The following AVIL variants were observed in gnomAD, a reference collection of about 807,000 sequenced individuals.
AVIL encodes the protein advillin.
A neutral mutation model predicts 109.9 loss-of-function variants in AVIL; 78 were observed. The observed-to-expected ratio is 0.71, with a 90% CI of 0.59 to 0.86. The LOEUF (loss-of-function observed/expected upper bound fraction) is 0.86. Among genes scored for constraint, AVIL ranks in the 40% least tolerant of loss-of-function variants. AVIL has a pLI of 0.00. For missense variants in AVIL, 892 were observed against 1,016.5 expected (o/e 0.88, Z 1.67); for synonymous variants, 367 against 379.1 (o/e 0.97, Z 0.37).
chr12:57,802,109 G>C (rs748699547), intron 17 of AVIL, 51 bp downstream of exon 17: 4 of 1,594,704 alleles, frequency 2.5e-6, no homozygotes, highest in South Asian at 2.2e-5. Flanking sequence ...CCACTGAGCT[G>C]TTCTGAGCTA....
rs1397868743 is a variant in AVIL at position 57,802,301 on chromosome 12, A to C, written c.2010T>G (p.Ser670Arg). The stretch of plus-strand genomic sequence containing the variant: ...GGTACTGCTGTGCTGTGGCAAGGGC[A>C]CTCTCCTTCTCCGTGGCATTGGCCT... Reference protein sequence around the residue: ...GAEANATEKESALATAQQYLH... With the variant: ...GAEANATEKERALATAQQYLH... The change falls in exon 17 of 20, where the codon AGT becomes AGG. Residue 670 changes from serine (S) to arginine (R), a missense_variant. Coordinates refer to ENST00000549994, the MANE Select transcript of AVIL (RefSeq NM_006576.4). 3 of 1,613,484 alleles carry C rather than the reference A, an allele frequency of 1.9e-6. No homozygotes were observed. The highest frequency in any genetic ancestry group is 2.5e-6 in the Non-Finnish European group (3 of 1,179,838).
At chr12:57,802,875 G>T in intron 16 of AVIL, 1 of 543,474 alleles carries the variant, frequency 1.8e-6, no homozygotes, top group East Asian at 3.0e-5. Context: ...TGGGCCCACA[G>T]TAGCTCTTAC....
At chr12:57,804,937 A>G (rs1196363114) in intron 14 of AVIL, among the ~76,000 whole-genome samples, 4 of 152,152 alleles carry the variant, frequency 2.6e-5, no homozygotes, top group East Asian at 1.9e-4. Flanking sequence ...TATGTTGTCA[A>G]TTTTTTTAAC....
At chr12:57,808,579 C>T in intron 9 of AVIL, 31 bp from the exon 10 acceptor site, 1 of 1,611,158 alleles carries the variant, frequency 6.2e-7, no homozygotes, top group East Asian at 2.2e-5. Flanking sequence ...AAAGGCAGGT[C>T]AGTGGTGGAA....
chr12:57,817,096 G>A (rs1344200839), intron 1 of AVIL, among the ~76,000 whole-genome samples: 1 of 152,054 alleles, frequency 6.6e-6, no homozygotes, highest in Admixed American at 6.6e-5. Context: ...CCAAGGCCAC[G>A]TAGAGGCTTT....
rs1955981027 is a variant in AVIL, at chr12:57,808,199, C to A, written c.1189G>T (p.Val397Phe). The A allele has an allele frequency of 6.2e-7, 1 of 1,614,202 alleles. No homozygotes were observed. The highest frequency in any genetic ancestry group is 2.2e-5 in the East Asian group (1 of 44,888). The change falls in exon 11 of 20, where the codon GTT becomes TTT. Residue 397 changes from valine to phenylalanine, a missense_variant. Coordinates refer to ENST00000549994, the MANE Select transcript of AVIL (RefSeq NM_006576.4). Reference protein sequence around the residue: ...ERMVDDGNGKVEVWRIENLEL... With the variant: ...ERMVDDGNGKFEVWRIENLEL... Reference sequence around the variant, plus strand: ...ATTTGAATCATTGGGCTTACCTCAACTTTTCCGTTGCCATCATCGACCATT... The same window carrying A: ...ATTTGAATCATTGGGCTTACCTCAAATTTTCCGTTGCCATCATCGACCATT...
In AVIL at chr12:57,797,390, G is replaced by T. The variant is rs971185521; in HGVS notation, c.*492C>A. On this transcript the variant is annotated 3_prime_UTR_variant, in exon 20 of 20. Coordinates refer to ENST00000549994, the MANE Select transcript of AVIL (RefSeq NM_006576.4). ...AAATAACTCCATTTGTTCATTATAG[G>T]TATCTTTATTTGAAAAGTGAAAAAT... is the stretch of plus-strand genomic sequence containing the variant. The T allele has an allele frequency of 3.0e-6, 3 of 985,330 alleles. No individual in the cohort carries two copies. Among genetic ancestry groups the T allele is most frequent in the Non-Finnish European group, 1.2e-6 (1 of 829,916 alleles). The allele number at this position is 985,330 out of a possible 1,614,324, so 61.0% of individuals were successfully genotyped here.
intron 17 of AVIL, 71 bp downstream of exon 17, chr12:57,802,089 A>G (rs1341922078): frequency 2.6e-6 from 4 of 1,529,974 alleles, no homozygotes; most frequent in Non-Finnish European, 3.6e-6. Context: ...TCAGTACTCC[A>G]CCTTCCTGCC....
rs1458222933 is a variant in AVIL at position 57,803,567 on chromosome 12, A to G, written c.1774T>C (p.Trp592Arg). The G allele has an allele frequency of 1.2e-6, 2 of 1,614,208 alleles. No individual in the cohort carries two copies. Among genetic ancestry groups the G allele is most frequent in the South Asian group, 1.1e-5 (1 of 91,084 alleles). Residue 592 changes from tryptophan to arginine, a missense_variant, in exon 15 of 20, where the codon TGG becomes CGG. Transcript: ENST00000549994. ...GGAGTTTTCCCTCCCAGTAGGTCCC[A>G]GAACTCGGCTGGCTCCTGGCCCTCG... is the stretch of plus-strand genomic sequence containing the variant. ...VAEGQEPAEF[W>R]DLLGGKTPYA...
rs771603802 is a variant in AVIL at position 57,803,562 on chromosome 12, G to A, written c.1779C>T (p.Asp593=). Residue 593 remains aspartate, a synonymous_variant, in exon 15 of 20, where the codon GAC becomes GAT. Transcript: ENST00000549994. ...AEGQEPAEFW[D]LLGGKTPYAN... ...CATAGGGAGTTTTCCCTCCCAGTAG[G>A]TCCCAGAACTCGGCTGGCTCCTGGC... The A allele has an allele frequency of 2.5e-6, 4 of 1,614,046 alleles. No homozygotes were observed. Among genetic ancestry groups the A allele is most frequent in the Non-Finnish European group, 3.4e-6 (4 of 1,180,038 alleles).
intron 18 of AVIL, among the ~76,000 whole-genome samples, chr12:57,800,816 C>T (rs1255426451): frequency 6.6e-6 from 1 of 152,158 alleles, no homozygotes. Flanking sequence ...CCATATTAGT[C>T]AGGCTGGTCT....
Position 57,801,082 on chromosome 12 carries a change from G to A in AVIL, c.2220+62C>T. ...TTGCCTGTGAGCATCTGTAGCATTT[G>A]TGTGTTCTCTGGCTCTGGTTGCCCA... On this transcript the variant is annotated intron_variant, in intron 18 of 19. Coordinates refer to ENST00000549994, the MANE Select transcript of AVIL (RefSeq NM_006576.4). 7 of 1,388,590 alleles carry A rather than the reference G, an allele frequency of 5.0e-6. 1 individual carries two copies. Among genetic ancestry groups the A allele is most frequent in the Non-Finnish European group, 4.1e-6 (4 of 981,720 alleles). The allele number at this position is 1,388,590 out of a possible 1,614,324, so 86.0% of individuals were successfully genotyped here.
At position 57,809,872 on chromosome 12, in the gene AVIL, C is replaced by T. The variant is rs545454247; in HGVS notation, c.780G>A (p.Gly260=). 15 of 1,614,148 alleles carry T rather than the reference C, an allele frequency of 9.3e-6. No homozygotes were observed. The African/African-American group carries it at 1.1e-4, about 11-fold the overall frequency. The change falls in exon 8 of 20, where the codon GGG becomes GGA. Residue 260 remains glycine (G), a synonymous_variant. Transcript: ENST00000549994. ...TTGCTACCTCTGTGACTGCCAGCTG[C>T]CCAGCTGAATCTGAGATACTGGAGA... ...IMLYHISDSA[G]QLAVTEVATR...
At position 57,803,644 on chromosome 12, in the gene AVIL, A is replaced by G. The variant is rs558373624; in HGVS notation, c.1697T>C (p.Met566Thr). Residue 566 changes from methionine to threonine, a missense_variant, in exon 15 of 20, where the codon ATG (methionine) becomes ACG (threonine). Transcript: ENST00000549994. ...GKGSSGDERA[M>T]AKELASLLCD... ...GAGAAGGCTGGCCAGCTCCTTAGCC[A>G]TTGCCCGCTCATCCCCACTAGACCC... 4.3e-6 allele frequency: 7 copies of G among 1,614,118 alleles called. No homozygotes were observed. The African/African-American group carries it at 6.7e-5, about 15-fold the overall frequency.
intron 9 of AVIL, chr12:57,808,883 AT>A (rs1955994529): frequency 3.3e-6 from 1 of 305,472 alleles, no homozygotes; most frequent in African/African-American, 2.2e-5. Context: ...GTTCATCTGC[AT>A]GGATCTGCAC....
chr12:57,801,061 C>A, intron 18 of AVIL, 83 bp downstream of exon 18: 2 of 1,166,214 alleles, frequency 1.7e-6, no homozygotes, highest in Non-Finnish European at 2.5e-6. Flanking sequence ...TGAGTTTTGC[C>A]TGTGAGCATC....
intron 19 of AVIL, among the ~76,000 whole-genome samples, chr12:57,799,305 C>T (rs1037942966): frequency 2.6e-5 from 4 of 152,162 alleles, no homozygotes; most frequent in Admixed American, 6.5e-5. Context: ...GCAAAGCAGC[C>T]GCTGTACTGG....
chr12:57,816,089 G>T lies in AVIL; in HGVS notation c.-19-30C>A, dbSNP rs759685550. 110 of 1,554,360 alleles carry T rather than the reference G, an allele frequency of 7.1e-5. No individual in the cohort carries two copies. The South Asian group carries it at 1.3e-3, about 18-fold the overall frequency. On this transcript the variant is annotated intron_variant, in intron 1 of 19. Coordinates refer to ENST00000549994, the MANE Select transcript of AVIL (RefSeq NM_006576.4). ...AACATCACAGAACAAGAGGGGAGAT[G>T]ATATCTCTTGCCATAGTGGGCATCA... is the stretch of plus-strand genomic sequence containing the variant.
At position 57,799,648 on chromosome 12, in the gene AVIL, G is replaced by GT. The variant is rs201823242; in HGVS notation, c.2346+146dup. ...AGAAAAGAATCAAGAAAGAACCCTGGTTTTTTTTGGTTTGAGTTCCTAGGT... is the reference window on the plus strand; with the variant it reads ...AGAAAAGAATCAAGAAAGAACCCTGGTTTTTTTTTGGTTTGAGTTCCTAGGT... On this transcript the variant is annotated intron_variant, in intron 19 of 19. Transcript: ENST00000549994. The GT allele has an allele frequency of 3.7e-4, 393 of 1,065,206 alleles. 1 individual carries two copies. The highest frequency in any genetic ancestry group is 3.6e-3 in the African/African-American group (228 of 62,942). The allele number at this position is 1,065,206 out of a possible 1,614,324, so 66.0% of individuals were successfully genotyped here. A position where few individuals can be genotyped will look rare whatever the true frequency, so the allele number is the denominator to read the frequency against.
Sources: allele counts gnomAD v4.1 joint callset (sites outside exome capture counted in the v4.1 genomes callset), GRCh38; gene constraint gnomAD v4.1.1; transcripts MANE v1.5; gene names NCBI Gene and HGNC (gene_info 2026-07-23, HGNC 2026-07-21).